The following SNX29 variants were observed in gnomAD, a reference collection of about 807,000 sequenced individuals.
SNX29 encodes sorting nexin 29, also known as sorting nexin-29.
Under a neutral mutation model 102.1 loss-of-function variants are expected in SNX29, and 78 were observed. The ratio of observed to expected loss-of-function variants is 0.76; its 90% CI spans 0.64 to 0.92. The LOEUF (loss-of-function observed/expected upper bound fraction) is 0.92. Ranked by LOEUF, SNX29 falls within the 40% of genes least tolerant of loss-of-function variation. The pLI is 0.00. For missense variants in SNX29, 1,280 were observed against 1,061.7 expected (o/e 1.21, Z -2.86); for synonymous variants, 580 against 414.5 (o/e 1.40, Z -4.85).
intron 13 of SNX29, among the ~76,000 whole-genome samples, chr16:12,134,279 CA>C (rs2054579448): frequency 6.6e-6 from 1 of 152,196 alleles, no homozygotes. Context: ...TGCTGTGTAA[CA>C]AATTATCCTC....
chr16:12,297,703 A>G (rs1022342028), intron 15 of SNX29, among the ~76,000 whole-genome samples: 1 of 152,138 alleles, frequency 6.6e-6, no homozygotes, highest in African/African-American at 2.4e-5. Flanking sequence ...TACATCTCCA[A>G]TATATTCCAT....
chr16:12,359,334 C>T (rs1426268425), intron 16 of SNX29, among the ~76,000 whole-genome samples: 3 of 151,274 alleles, frequency 2.0e-5, no homozygotes, highest in Non-Finnish European at 4.4e-5. Context: ...CCCACTTGTA[C>T]CTACCAATAC....
At chr16:12,448,632 A>T (rs2086168370) in intron 18 of SNX29, among the ~76,000 whole-genome samples, 1 of 152,022 alleles carries the variant, frequency 6.6e-6, no homozygotes, top group African/African-American at 2.4e-5. Context: ...TTTCCAGAAA[A>T]TCCTCTTGCC....
chr16:12,358,766 T>C (rs2082218250), intron 16 of SNX29, among the ~76,000 whole-genome samples: 1 of 152,168 alleles, frequency 6.6e-6, no homozygotes, highest in Middle Eastern at 3.2e-3. Flanking sequence ...TTTTATCCAA[T>C]CACGTTGTTA....
chr16:12,139,979 T>TGAGA (rs144110763), intron 13 of SNX29, among the ~76,000 whole-genome samples: 1 of 63,070 alleles, frequency 1.6e-5, no homozygotes, highest in South Asian at 5.4e-4. Flanking sequence ...ATACCCTGTC[T>TGAGA]CAAAAAAAAA....
At chr16:12,076,445 T>A (rs1006198950) in intron 10 of SNX29, among the ~76,000 whole-genome samples, 6 of 152,002 alleles carry the variant, frequency 3.9e-5, no homozygotes, top group African/African-American at 1.4e-4. Context: ...GGATTACACA[T>A]GTCCACCACC....
intron 16 of SNX29, among the ~76,000 whole-genome samples, chr16:12,365,358 G>GTGTGTGTGTGTGTGTGTGTGTGTA (rs1485263456): frequency 3.3e-4 from 49 of 150,472 alleles, no homozygotes; most frequent in Non-Finnish European, 5.5e-4. Flanking sequence ...GTGTGTGTGT[G>GTGTGTGTGTGTGTGTGTGTGTGTA]TGTGTGTTTA....
At chr16:12,323,877 G>T (rs1211719128) in intron 15 of SNX29, among the ~76,000 whole-genome samples, 1 of 152,190 alleles carries the variant, frequency 6.6e-6, no homozygotes, top group African/African-American at 2.4e-5. Context: ...CAGTTGTTAA[G>T]TACTAACTTT....
chr16:12,488,782 C>T (rs985670598), intron 19 of SNX29, among the ~76,000 whole-genome samples: 4 of 152,152 alleles, frequency 2.6e-5, no homozygotes, highest in Admixed American at 6.5e-5. Flanking sequence ...CTTAGTTGTT[C>T]CTGGTGACAA....
chr16:12,483,114 G>GTTTTTTTTTTTTTTTTTTTTTTTT lies in SNX29; in HGVS notation c.2178+5261_2178+5284dup, dbSNP rs574090459. On this transcript the variant is annotated intron_variant, in intron 19 of 20. Coordinates refer to ENST00000566228, the MANE Select transcript of SNX29 (RefSeq NM_032167.5). ...AATAGATACATATTGAAGTTATTAA[G>GTTTTTTTTTTTTTTTTTTTTTTTT]TTTTTTTTTTTTTTTTTTTTTTTTT... Among the ~76,000 whole-genome samples, 23 of 66,212 alleles carry GTTTTTTTTTTTTTTTTTTTTTTTT rather than the reference G, an allele frequency of 3.5e-4. 1 individual carries two copies. Among genetic ancestry groups the GTTTTTTTTTTTTTTTTTTTTTTTT allele is most frequent in the Non-Finnish European group, 5.8e-4 (21 of 35,980 alleles). 43.4% of individuals were successfully genotyped at this position (66,212 alleles called of 152,430 possible). A position where few individuals can be genotyped will look rare whatever the true frequency, so the allele number is the denominator to read the frequency against.
At chr16:12,088,105 C>T (rs892376737) in intron 11 of SNX29, 21 of 456,460 alleles carry the variant, frequency 4.6e-5, no homozygotes, top group East Asian at 1.4e-4. Context: ...CAGGTCCTGC[C>T]GTGGGTGTCT....
intron 14 of SNX29, among the ~76,000 whole-genome samples, chr16:12,216,559 TC>T (rs1486723730): frequency 6.6e-6 from 1 of 152,310 alleles, no homozygotes; most frequent in Non-Finnish European, 1.5e-5. Context: ...CTTCATGTCT[TC>T]CTAAGGAAGG....
At chr16:12,365,326 T>TGTGTG (rs2082430065) in intron 16 of SNX29, among the ~76,000 whole-genome samples, 1 of 139,776 alleles carries the variant, frequency 7.2e-6, no homozygotes, top group African/African-American at 2.7e-5. Context: ...ACATCAGGAT[T>TGTGTG]TGTGTGTGTG....
At chr16:12,210,570 C>T (rs2077156748) in intron 14 of SNX29, among the ~76,000 whole-genome samples, 1 of 151,948 alleles carries the variant, frequency 6.6e-6, no homozygotes. Context: ...GTGAATCCAG[C>T]CAGGCCTGAA....
At chr16:12,323,654 C>T (rs1055874116) in intron 15 of SNX29, among the ~76,000 whole-genome samples, 1 of 152,184 alleles carries the variant, frequency 6.6e-6, no homozygotes, top group South Asian at 2.1e-4. Flanking sequence ...CCAGGCACCA[C>T]AGAAAACCAT....
intron 15 of SNX29, among the ~76,000 whole-genome samples, chr16:12,333,661 C>T: frequency 6.6e-6 from 1 of 152,060 alleles, no homozygotes; most frequent in Non-Finnish European, 1.5e-5. Context: ...CCAGGGCTCC[C>T]AGTCCGGACT....
intron 13 of SNX29, among the ~76,000 whole-genome samples, chr16:12,184,299 G>C (rs2076460812): frequency 6.6e-6 from 1 of 152,156 alleles, no homozygotes; most frequent in Admixed American, 6.5e-5. Flanking sequence ...ATCCAAACAA[G>C]GTTTGTATGT....
At chr16:12,006,254 G>A (rs1350264018) in intron 3 of SNX29, among the ~76,000 whole-genome samples, 4 of 151,568 alleles carry the variant, frequency 2.6e-5, no homozygotes, top group African/African-American at 4.8e-5. Flanking sequence ...GGTGGCTCAC[G>A]CCTGTAATCC....
chr16:11,993,422 A>G (rs780374938), intron 1 of SNX29, among the ~76,000 whole-genome samples: 15 of 152,024 alleles, frequency 9.9e-5, no homozygotes, highest in Non-Finnish European at 1.6e-4. Context: ...GGCTTTGGAG[A>G]GAAGGTAGCT....
Sources: allele counts gnomAD v4.1 joint callset (sites outside exome capture counted in the v4.1 genomes callset), GRCh38; gene constraint gnomAD v4.1.1; transcripts MANE v1.5; gene names NCBI Gene and HGNC (gene_info 2026-07-23, HGNC 2026-07-21).